The following ZHX3 variants were observed in gnomAD, a reference collection of about 807,000 sequenced individuals.
ZHX3 encodes zinc fingers and homeoboxes 3.
Under a neutral mutation model 64.5 loss-of-function variants are expected in ZHX3, and 20 were observed. The observed-to-expected ratio is 0.31, with a 90% CI of 0.22 to 0.45. The LOEUF (loss-of-function observed/expected upper bound fraction) is 0.45. Ranked by LOEUF, ZHX3 falls within the 20% of genes least tolerant of loss-of-function variation. The probability of loss-of-function intolerance (pLI) is 1.00; values close to 1 mark genes in which losing one functional copy is unlikely to be tolerated. For synonymous variants in ZHX3, 423 were observed against 461.6 expected (o/e 0.92, Z 1.07); for missense variants, 1,041 against 1,195.8 (o/e 0.87, Z 1.91).
chr20:41,238,825 A>T (rs936854685), intron 2 of ZHX3: 2 of 152,144 alleles, frequency 1.3e-5, no homozygotes, highest in African/African-American at 4.8e-5. Context: ...AAGGAAATGT[A>T]TCTATTAAGC....
Position 41,296,197 on chromosome 20 carries a change from T to C in ZHX3, c.-245+21312A>G, listed in dbSNP as rs556460415. ...TCACTCATGCCAAGTTGAGTTTTTT[T>C]CCTCTTCTTTTCCCTTCTCCTCAAG... On this transcript the variant is annotated intron_variant, in intron 1 of 3. Coordinates refer to ENST00000683867, the MANE Select transcript of ZHX3 (RefSeq NM_001384317.1). 1.3e-4 allele frequency among the ~76,000 whole-genome samples: 19 copies of C among 143,600 alleles called. No individual in the cohort carries two copies. In the South Asian group the frequency reaches 4.3e-3, roughly 32 times the overall value. 94.2% of individuals were successfully genotyped at this position (143,600 alleles called of 152,430 possible).
chr20:41,222,645 G>A (rs1484926403), intron 2 of ZHX3, among the ~76,000 whole-genome samples: 1 of 152,182 alleles, frequency 6.6e-6, no homozygotes, highest in African/African-American at 2.4e-5. Flanking sequence ...TGCACTCTCT[G>A]AGGTGTGAGA....
intron 2 of ZHX3, among the ~76,000 whole-genome samples, chr20:41,246,866 C>G (rs1259926959): frequency 7.1e-6 from 1 of 140,296 alleles, no homozygotes; most frequent in Non-Finnish European, 1.5e-5. Context: ...GAGCAAGACT[C>G]CATCTGAAAA....
chr20:41,286,136 A>G (rs1273446559), intron 1 of ZHX3, among the ~76,000 whole-genome samples: 3 of 152,242 alleles, frequency 2.0e-5, no homozygotes, highest in African/African-American at 4.8e-5. Flanking sequence ...ACCCAAAATT[A>G]GCCACTTATT....
intron 1 of ZHX3, among the ~76,000 whole-genome samples, chr20:41,304,452 A>C (rs2044914942): frequency 6.6e-6 from 1 of 152,062 alleles, no homozygotes; most frequent in Non-Finnish European, 1.5e-5. Flanking sequence ...CATGGCTAAA[A>C]CCACAGCAAG....
chr20:41,264,814 A>G (rs2042755575), intron 2 of ZHX3, among the ~76,000 whole-genome samples: 1 of 152,180 alleles, frequency 6.6e-6, no homozygotes, highest in Non-Finnish European at 1.5e-5. Context: ...TAGAACCTAG[A>G]AACAGATTTT....
chr20:41,218,454 A>G (rs1241886924), intron 2 of ZHX3, among the ~76,000 whole-genome samples: 1 of 152,120 alleles, frequency 6.6e-6, no homozygotes, highest in Non-Finnish European at 1.5e-5. Flanking sequence ...TAAATAAATA[A>G]ATAAATAAAT....
intron 2 of ZHX3, among the ~76,000 whole-genome samples, chr20:41,244,107 A>G (rs1450480849): frequency 3.3e-5 from 5 of 152,102 alleles, no homozygotes; most frequent in African/African-American, 1.2e-4. Context: ...CTAGATGCCC[A>G]CTAGATCCCA....
rs138091905 is a variant in ZHX3, at chr20:41,300,362, T to C, written c.-245+17147A>G. On this transcript the variant is annotated intron_variant, in intron 1 of 3. Transcript: ENST00000683867. ...GTTAAATTAATCTGTTCATAGAATA[T>C]ATTATACCAGAATTCCAGCCTTCAG... Among the ~76,000 whole-genome samples, 192 of 152,284 alleles carry C rather than the reference T, an allele frequency of 1.3e-3. 2 individuals are homozygous for C. The highest frequency in any genetic ancestry group is 0.012 in the South Asian group (59 of 4,826).
At chr20:41,239,148 G>A (rs1008443170) in intron 2 of ZHX3, among the ~76,000 whole-genome samples, 1 of 150,918 alleles carries the variant, frequency 6.6e-6, no homozygotes, top group Non-Finnish European at 1.5e-5. Flanking sequence ...GGCTATAGGC[G>A]CCCACCACCA....
At chr20:41,193,159 G>C (rs1568789991) in intron 3 of ZHX3, among the ~76,000 whole-genome samples, 1 of 152,162 alleles carries the variant, frequency 6.6e-6, no homozygotes, top group Non-Finnish European at 1.5e-5. Flanking sequence ...CCTCTAGTCA[G>C]CCATTTTGGT....
chr20:41,261,896 G>A (rs1465359786), intron 2 of ZHX3, among the ~76,000 whole-genome samples: 1 of 151,982 alleles, frequency 6.6e-6, no homozygotes, highest in Non-Finnish European at 1.5e-5. Flanking sequence ...CATTCAACAA[G>A]TCCTAAAATA....
intron 2 of ZHX3, among the ~76,000 whole-genome samples, chr20:41,256,696 C>T (rs1225243439): frequency 6.6e-6 from 1 of 150,720 alleles, no homozygotes; most frequent in Non-Finnish European, 1.5e-5. Flanking sequence ...ATGGCATTTC[C>T]CTTCACGGAC....
At chr20:41,268,786 G>T (rs1001310407) in intron 2 of ZHX3, among the ~76,000 whole-genome samples, 1 of 152,122 alleles carries the variant, frequency 6.6e-6, no homozygotes, top group African/African-American at 2.4e-5. Context: ...ATTCAATGCA[G>T]ATTTTTAGAT....
chr20:41,308,221 A>T (rs2045035313), intron 1 of ZHX3, among the ~76,000 whole-genome samples: 1 of 152,190 alleles, frequency 6.6e-6, no homozygotes, highest in Non-Finnish European at 1.5e-5. Context: ...CTTTTTACAA[A>T]TCTCAACTTG....
chr20:41,193,299 T>C (rs1017104518), intron 3 of ZHX3, among the ~76,000 whole-genome samples: 1 of 152,240 alleles, frequency 6.6e-6, no homozygotes, highest in Non-Finnish European at 1.5e-5. Flanking sequence ...GGGATATCTT[T>C]CTATTTATTT....
rs149328951 is a variant in ZHX3 at position 41,294,204 on chromosome 20, T to A, written c.-245+23305A>T. On this transcript the variant is annotated intron_variant, in intron 1 of 3. Transcript: ENST00000683867. ...GGATGCTTGGGGTCAATGACATTAA[T>A]CCAAGATTTGTTTAGAATTATGCTA... Among the ~76,000 whole-genome samples, 82 of 152,312 alleles carry A rather than the reference T, an allele frequency of 5.4e-4. No individual in the cohort carries two copies. The East Asian group carries it at 6.4e-3, about 12-fold the overall frequency.
At chr20:41,218,969 G>C (rs973117577) in intron 2 of ZHX3, among the ~76,000 whole-genome samples, 58 of 128,942 alleles carry the variant, frequency 4.5e-4, no homozygotes, top group Middle Eastern at 5.8e-3. Flanking sequence ...TCGCTCTGTC[G>C]CCTAGGCTGG....
At chr20:41,186,446 T>C (rs2036530734) in intron 3 of ZHX3, among the ~76,000 whole-genome samples, 1 of 152,238 alleles carries the variant, frequency 6.6e-6, no homozygotes. Context: ...ATAATGCCAC[T>C]AAGAACACTG....
Sources: gnomAD v4.1 joint callset for allele counts (sites outside exome capture counted in the v4.1 genomes callset) on GRCh38, gnomAD v4.1.1 for gene constraint, MANE v1.5 for transcripts, NCBI Gene and HGNC (gene_info 2026-07-23, HGNC 2026-07-21) for gene names.